LOC128092253: variants seen among roughly 807,000 people sequenced by gnomAD.
At chr6:133,967,884 G>A in the LOC128092253 span, among the ~76,000 whole-genome samples, 3 of 152,156 alleles carry the variant, frequency 2.0e-5, no homozygotes, top group Non-Finnish European at 4.4e-5. Context: ...AGGTAAGACA[G>A]CATGTGCGAT....
At chr6:133,963,759 G>A in the LOC128092253 span, among the ~76,000 whole-genome samples, 9 of 151,864 alleles carry the variant, frequency 5.9e-5, no homozygotes, top group South Asian at 2.1e-4. Flanking sequence ...GGCCTGGCGC[G>A]GTGGCTCACG....
the LOC128092253 span, among the ~76,000 whole-genome samples, chr6:133,965,151 T>G: frequency 1.3e-5 from 2 of 152,228 alleles, no homozygotes; most frequent in South Asian, 2.1e-4. Flanking sequence ...TTTTAAAAAT[T>G]ATGCTGTTTT....
At chr6:133,976,139 C>T in the LOC128092253 span, among the ~76,000 whole-genome samples, 36 of 152,138 alleles carry the variant, frequency 2.4e-4, 1 homozygote, top group East Asian at 5.4e-3. Flanking sequence ...AAAAAAAGAT[C>T]GTTAACTCTT....
chr6:133,963,785 C>T, the LOC128092253 span, among the ~76,000 whole-genome samples: 1 of 151,490 alleles, frequency 6.6e-6, no homozygotes, highest in Non-Finnish European at 1.5e-5. Context: ...AATCCCAGCA[C>T]TTTGGGAGGC....
the LOC128092253 span, among the ~76,000 whole-genome samples, chr6:133,967,339 G>A: frequency 3.9e-5 from 6 of 152,088 alleles, no homozygotes; most frequent in African/African-American, 9.7e-5. Context: ...TAGATTAAGC[G>A]GGCAAAAGGT....
At chr6:133,958,056 G>A in the LOC128092253 span, among the ~76,000 whole-genome samples, 15 of 152,132 alleles carry the variant, frequency 9.9e-5, no homozygotes, top group African/African-American at 3.1e-4. Flanking sequence ...GTTTTGAATT[G>A]TCACACAGGC....
chr6:133,960,552 A>C, the LOC128092253 span, among the ~76,000 whole-genome samples: 1 of 152,138 alleles, frequency 6.6e-6, no homozygotes, highest in African/African-American at 2.4e-5. Flanking sequence ...TACATTTAGA[A>C]TGCATGCCTC....
the LOC128092253 span, among the ~76,000 whole-genome samples, chr6:133,974,198 T>A: frequency 6.6e-6 from 1 of 152,218 alleles, no homozygotes; most frequent in Non-Finnish European, 1.5e-5. Context: ...TGTCTAGCTT[T>A]ATAATTTATA....
the LOC128092253 span, among the ~76,000 whole-genome samples, chr6:133,979,128 T>A: frequency 1.3e-5 from 2 of 152,204 alleles, no homozygotes; most frequent in Non-Finnish European, 2.9e-5. Context: ...TGCAAATTAC[T>A]TGGTAGAGCT....
At chr6:133,972,711 T>TTTC in the LOC128092253 span, among the ~76,000 whole-genome samples, 1 of 151,894 alleles carries the variant, frequency 6.6e-6, no homozygotes, top group South Asian at 2.1e-4. Flanking sequence ...TTTGTTTTTT[T>TTTC]CCCCTCATCT....
chr6:133,975,168 A>G, the LOC128092253 span, among the ~76,000 whole-genome samples: 1 of 152,194 alleles, frequency 6.6e-6, no homozygotes, highest in Non-Finnish European at 1.5e-5. Flanking sequence ...CAAAGTGGAA[A>G]AAAAGCAAGA....
chr6:133,958,684 C>A, the LOC128092253 span, among the ~76,000 whole-genome samples: 1,017 of 152,280 alleles, frequency 6.7e-3, 9 homozygotes, highest in African/African-American at 0.023. Context: ...AAGTGAATTG[C>A]AGACTGTTCT....
chr6:133,961,536 T>C, the LOC128092253 span, among the ~76,000 whole-genome samples: 1 of 146,532 alleles, frequency 6.8e-6, no homozygotes, highest in Non-Finnish European at 1.5e-5. Flanking sequence ...TGGTGCAATC[T>C]CGGCTCATTG....
chr6:133,964,308 A>C, the LOC128092253 span, among the ~76,000 whole-genome samples: 1 of 152,170 alleles, frequency 6.6e-6, no homozygotes, highest in Non-Finnish European at 1.5e-5. Context: ...TGAGTAAAAT[A>C]AGAAATTCCT....
At chr6:133,979,689 C>T in the LOC128092253 span, among the ~76,000 whole-genome samples, 4 of 152,182 alleles carry the variant, frequency 2.6e-5, no homozygotes, top group Admixed American at 2.0e-4. Flanking sequence ...CTCTGTCTCA[C>T]AGGCTGGAAT....
chr6:133,967,947 C>A, the LOC128092253 span, among the ~76,000 whole-genome samples: 1 of 151,928 alleles, frequency 6.6e-6, no homozygotes, highest in African/African-American at 2.4e-5. Context: ...AGCCTAGGAC[C>A]ATGTGCTTAT....
At chr6:133,974,560 C>G in the LOC128092253 span, among the ~76,000 whole-genome samples, 3 of 152,224 alleles carry the variant, frequency 2.0e-5, no homozygotes, top group African/African-American at 7.2e-5. Context: ...AACTCCTGAC[C>G]TCGTGATCCA....
At chr6:133,959,614 T>C in the LOC128092253 span, among the ~76,000 whole-genome samples, 6 of 152,166 alleles carry the variant, frequency 3.9e-5, no homozygotes, top group Non-Finnish European at 8.8e-5. Flanking sequence ...CCCGAGTAAC[T>C]GGGATTACAG....
At chr6:133,977,647 A>T in the LOC128092253 span, among the ~76,000 whole-genome samples, 1 of 152,230 alleles carries the variant, frequency 6.6e-6, no homozygotes, top group South Asian at 2.1e-4. Context: ...TCCTCAAGGG[A>T]TGTGCAACAG....
Sources: gnomAD v4.1 joint callset for allele counts (sites outside exome capture counted in the v4.1 genomes callset) on GRCh38, gnomAD v4.1.1 for gene constraint, MANE v1.5 for transcripts.